RLIM: variants seen among roughly 807,000 people sequenced by gnomAD.
The protein encoded by RLIM is E3 ubiquitin-protein ligase RLIM.
A neutral mutation model predicts 34.0 loss-of-function variants in RLIM; 2 were observed. That is an observed-to-expected ratio of 0.06 (90% CI 0.02 to 0.19). RLIM has a LOEUF of 0.19. Among genes scored for constraint, RLIM ranks in the 10% least tolerant of loss-of-function variants. The probability of loss-of-function intolerance (pLI) is 1.00; values close to 1 mark genes in which losing one functional copy is unlikely to be tolerated. For missense variants in RLIM, 286 were observed against 479.7 expected (o/e 0.60, Z 3.77); for synonymous variants, 169 against 164.0 (o/e 1.03, Z -0.23).
At chrX:74,596,455 C>T (rs766293133) in intron 1 of RLIM, among the ~76,000 whole-genome samples, 4 of 111,477 alleles carry the variant, frequency 3.6e-5, no homozygotes, top group African/African-American at 1.3e-4. Flanking sequence ...CATGTTGGCC[C>T]AATCTGGTCT....
At chrX:74,599,029 G>A (rs1173875465) in intron 1 of RLIM, among the ~76,000 whole-genome samples, 3 of 111,256 alleles carry the variant, frequency 2.7e-5, no homozygotes, top group Admixed American at 9.6e-5. Context: ...CCTATCTCAC[G>A]AAACACTGTA....
In RLIM at chrX:74,592,256, A is replaced by G. The variant is rs770756839; in HGVS notation, c.1059T>C (p.Thr353=). 1.5e-5 allele frequency: 18 copies of G among 1,210,004 alleles called. No homozygotes were observed. The Admixed American group carries it at 3.5e-4, about 24-fold the overall frequency. ...TRSRSQTPNN[T]VTYESERGGF... ...CTCCTCGTTCACTTTCATAGGTGAC[A>G]GTGTTGTTTGGTGTCTGAGACCTAG... is the stretch of plus-strand genomic sequence containing the variant. Residue 353 remains threonine (T), a synonymous_variant, in exon 4 of 4, where the codon ACT becomes ACC. Transcript: ENST00000332687.
chrX:74,607,740 A>AAC (rs931092237), intron 1 of RLIM, among the ~76,000 whole-genome samples: 2 of 111,872 alleles, frequency 1.8e-5, no homozygotes, highest in South Asian at 3.6e-4. Flanking sequence ...ACACACCAAA[A>AAC]ACACACACAC....
At position 74,598,485 on chromosome X, in the gene RLIM, A is replaced by C. The variant is rs780135582; in HGVS notation, c.-23-2485T>G. Among the ~76,000 whole-genome samples, 3 of 110,102 alleles carry C rather than the reference A, an allele frequency of 2.7e-5. No homozygotes were observed. In the South Asian group the frequency reaches 1.2e-3, roughly 43 times the overall value. ...TTCATAAAAAATTAAATTAAATTAAAAGATAAAAAATTGCCAGGCGCGGTG... is the reference window on the plus strand; with the variant it reads ...TTCATAAAAAATTAAATTAAATTAACAGATAAAAAATTGCCAGGCGCGGTG... On this transcript the variant is annotated intron_variant, in intron 1 of 3. Coordinates refer to ENST00000332687, the MANE Select transcript of RLIM (RefSeq NM_016120.4).
Position 74,592,612 on chromosome X carries a change from T to C in RLIM, c.703A>G (p.Met235Val), listed in dbSNP as rs754843848. 1.4e-5 allele frequency: 17 copies of C among 1,210,102 alleles called. No homozygotes were observed. The highest frequency in any genetic ancestry group is 1.7e-5 in the African/African-American group (1 of 57,229). Residue 235 changes from methionine to valine, a missense_variant, in exon 4 of 4, where the codon ATG (methionine) becomes GTG (valine). Around this residue, in one of 6 missense-constraint regions of RLIM, gnomAD observed 121 missense variants for 182.4 expected, o/e 0.66. Coordinates refer to ENST00000332687, the MANE Select transcript of RLIM (RefSeq NM_016120.4). ...AERSRSPLHP[M>V]SEIPRRSHHS... is the part of the protein sequence containing the mutation. Reference sequence around the variant, plus strand: ...TGAGATCTTCGTGGAATTTCACTCATTGGATGCAGAGGTGACCTACTTCTT... The same window carrying C: ...TGAGATCTTCGTGGAATTTCACTCACTGGATGCAGAGGTGACCTACTTCTT...
intron 1 of RLIM, among the ~76,000 whole-genome samples, chrX:74,598,062 GCAA>G (rs1214862199): frequency 4.5e-5 from 5 of 111,935 alleles, no homozygotes; most frequent in African/African-American, 6.5e-5. Flanking sequence ...AGCCATTTCA[GCAA>G]CAACATTGGT....
chrX:74,607,004 G>A lies in RLIM; in HGVS notation c.-24+7418C>T, dbSNP rs1006407267. Among the ~76,000 whole-genome samples, 14 of 110,337 alleles carry A rather than the reference G, an allele frequency of 1.3e-4. No individual in the cohort carries two copies. In the Admixed American group the frequency reaches 1.3e-3, roughly 10 times the overall value. ...CAAAAACTTAGCTGGGCATGGTAAC[G>A]CGCATCTGTGGTCCTAGCTACTTGG... On this transcript the variant is annotated intron_variant, in intron 1 of 3. Coordinates refer to ENST00000332687, the MANE Select transcript of RLIM (RefSeq NM_016120.4).
At chrX:74,604,077 T>C (rs1289533286) in intron 1 of RLIM, among the ~76,000 whole-genome samples, 1 of 105,332 alleles carries the variant, frequency 9.5e-6, no homozygotes. Flanking sequence ...ATCAAGCCAC[T>C]GCACTCCAGC....
rs2079609852 is a variant in RLIM, at chrX:74,590,923, C to CT, written c.*516dup. On this transcript the variant is annotated 3_prime_UTR_variant, in exon 4 of 4. Coordinates refer to ENST00000332687, the MANE Select transcript of RLIM (RefSeq NM_016120.4). Reference sequence around the variant, plus strand: ...GATCCTAACCTTAGTGTTATTTACACTGACATGTCCAGTATCACCAAGTCT... The same window carrying CT: ...GATCCTAACCTTAGTGTTATTTACACTTGACATGTCCAGTATCACCAAGTCT... 1 of 119,365 alleles carries CT rather than the reference C, an allele frequency of 8.4e-6. No individual in the cohort carries two copies. Among genetic ancestry groups the CT allele is most frequent in the African/African-American group, 3.2e-5 (1 of 31,041 alleles). The allele number at this position is 119,365 out of a possible 1,213,427, so 9.8% of individuals were successfully genotyped here.
intron 3 of RLIM, among the ~76,000 whole-genome samples, chrX:74,593,360 G>T (rs2079625202): frequency 8.9e-6 from 1 of 111,982 alleles, no homozygotes; most frequent in Non-Finnish European, 1.9e-5. Flanking sequence ...ACTGTGGGAT[G>T]GTCAGAAGAC....
chrX:74,594,424 A>T (rs2079630220), intron 2 of RLIM, 35 bp from the exon 3 acceptor site: 1 of 971,024 alleles, frequency 1.0e-6, no homozygotes, highest in African/African-American at 1.9e-5. Flanking sequence ...AGATGACATT[A>T]GGGGTATGAC....
Position 74,590,755 on chromosome X carries a change from T to C in RLIM, c.*685A>G, listed in dbSNP as rs1241073247. 1 of 113,014 alleles carries C rather than the reference T, an allele frequency of 8.8e-6. No homozygotes were observed. The allele number at this position is 113,014 out of a possible 1,213,427, so 9.3% of individuals were successfully genotyped here. The stretch of plus-strand genomic sequence containing the variant: ...CCTCTACAAAATAGCTTTACATTTT[T>C]AAACAAATGAATGTGATTTTTTTTC... On this transcript the variant is annotated 3_prime_UTR_variant, in exon 4 of 4. Coordinates refer to ENST00000332687, the MANE Select transcript of RLIM (RefSeq NM_016120.4).
chrX:74,599,731 T>C (rs927841013), intron 1 of RLIM, among the ~76,000 whole-genome samples: 1 of 111,623 alleles, frequency 9.0e-6, no homozygotes, highest in African/African-American at 3.3e-5. Flanking sequence ...CTGTGAAAGA[T>C]ATGTTTTTGT....
rs61760876 is a variant in RLIM, at chrX:74,595,873, A to G, written c.105T>C (p.Phe35=). The G allele has an allele frequency of 3.3e-3, 4,030 of 1,205,166 alleles. 5 individuals carry two copies. The highest frequency in any genetic ancestry group is 4.2e-3 in the Non-Finnish European group (3,702 of 891,047). ...RLDREEAFYQ[F]VNNLSEEDYR... ...AATCTTCTTCACTCAGGTTATTTAC[A>G]AATTGATAGAAAGCTTCTTCTCGAT... The change falls in exon 2 of 4, where the codon TTT becomes TTC. Residue 35 remains phenylalanine, a synonymous_variant. Transcript: ENST00000332687.
At chrX:74,608,390 C>T (rs1044410148) in intron 1 of RLIM, among the ~76,000 whole-genome samples, 1 of 106,402 alleles carries the variant, frequency 9.4e-6, no homozygotes. Context: ...TCTCCACTCA[C>T]GCAGTTATCT....
Position 74,592,302 on chromosome X carries a change from C to T in RLIM, c.1013G>A (p.Ser338Asn). The change falls in exon 4 of 4, where the codon AGC (serine) becomes AAC (asparagine). Residue 338 changes from serine (S) to asparagine (N), a missense_variant. Coordinates refer to ENST00000332687, the MANE Select transcript of RLIM (RefSeq NM_016120.4). ...VRPGEYRQRD[S>N]IASRTRSRSQ... The stretch of plus-strand genomic sequence containing the variant: ...CCTAGACCGAGTTCTGCTGGCTATG[C>T]TATCTCTCTGCCGATATTCTCCAGG... The T allele has an allele frequency of 8.3e-7, 1 of 1,211,534 alleles. No individual in the cohort carries two copies. The highest frequency in any genetic ancestry group is 1.1e-6 in the Non-Finnish European group (1 of 895,439).
chrX:74,610,555 A>G (rs189087025), intron 1 of RLIM, among the ~76,000 whole-genome samples: 25 of 110,722 alleles, frequency 2.3e-4, no homozygotes, highest in Admixed American at 2.0e-3. Context: ...GAGAAAAACC[A>G]CAAGTTCATA....
chrX:74,607,472 GGCC>G (rs2079687316), intron 1 of RLIM, among the ~76,000 whole-genome samples: 1 of 113,104 alleles, frequency 8.8e-6, no homozygotes, highest in Non-Finnish European at 1.9e-5. Context: ...CACTTCGGGA[GGCC>G]GACGCGGGCG....
intron 1 of RLIM, among the ~76,000 whole-genome samples, chrX:74,598,778 CAAAA>C (rs36109028): frequency 3.0e-5 from 2 of 65,887 alleles, no homozygotes; most frequent in African/African-American, 4.8e-5. Flanking sequence ...GACTCTGTTT[CAAAA>C]AAAAAAAAAA....
Sources: gnomAD v4.1 joint callset for allele counts (sites outside exome capture counted in the v4.1 genomes callset) on GRCh38, gnomAD v4.1.1 for gene constraint, gnomAD v4.1.1 regional missense constraint, MANE v1.5 for transcripts, NCBI Gene and HGNC (gene_info 2026-07-23, HGNC 2026-07-21) for gene names.